The following KCNK13 variants were observed in gnomAD, a reference collection of about 807,000 sequenced individuals.
KCNK13 encodes the protein potassium channel subfamily K member 13.
In KCNK13, 12 loss-of-function variants were observed where a neutral mutation model predicts 23.4. That is an observed-to-expected ratio of 0.51 (90% CI 0.33 to 0.83). The LOEUF (loss-of-function observed/expected upper bound fraction) is 0.83, where lower values mean the gene tolerates loss of function less well. Ranked by LOEUF, KCNK13 falls within the 40% of genes least tolerant of loss-of-function variation. KCNK13 has a pLI of 0.02. For missense variants in KCNK13, 463 were observed against 556.3 expected (o/e 0.83, Z 1.69); for synonymous variants, 231 against 229.5 (o/e 1.01, Z -0.06).
intron 1 of KCNK13, among the ~76,000 whole-genome samples, chr14:90,161,867 C>CATTAAGAA (rs1335612913): frequency 6.6e-6 from 1 of 152,008 alleles, no homozygotes; most frequent in Non-Finnish European, 1.5e-5. Context: ...GAGGGAAGAG[C>CATTAAGAA]CCTCACAAGC....
At chr14:90,161,970 G>A (rs978635038) in intron 1 of KCNK13, among the ~76,000 whole-genome samples, 4 of 152,160 alleles carry the variant, frequency 2.6e-5, no homozygotes, top group African/African-American at 9.7e-5. Context: ...TGTGAGCCCA[G>A]GAGTTTGAGA....
At chr14:90,148,087 C>T (rs934764177) in intron 1 of KCNK13, among the ~76,000 whole-genome samples, 1 of 152,104 alleles carries the variant, frequency 6.6e-6, no homozygotes, top group Non-Finnish European at 1.5e-5. Flanking sequence ...GGCTTGAGCT[C>T]AGGAGGTGCA....
intron 1 of KCNK13, among the ~76,000 whole-genome samples, chr14:90,073,580 A>G (rs1889101309): frequency 6.6e-6 from 1 of 152,136 alleles, no homozygotes; most frequent in Non-Finnish European, 1.5e-5. Flanking sequence ...TGGTTTTCGA[A>G]CTGTGCTCCC....
At chr14:90,136,299 A>G (rs1034129264) in intron 1 of KCNK13, among the ~76,000 whole-genome samples, 2 of 152,176 alleles carry the variant, frequency 1.3e-5, no homozygotes, top group African/African-American at 4.8e-5. Context: ...CATGTCCATC[A>G]TGGTCCCTTC....
At chr14:90,169,524 G>A (rs1042022012) in intron 1 of KCNK13, among the ~76,000 whole-genome samples, 1 of 152,194 alleles carries the variant, frequency 6.6e-6, no homozygotes, top group Non-Finnish European at 1.5e-5. Flanking sequence ...CTCTCAACAT[G>A]AGAAACGAGG....
intron 1 of KCNK13, among the ~76,000 whole-genome samples, chr14:90,099,008 C>T (rs1366968313): frequency 2.0e-5 from 3 of 151,544 alleles, no homozygotes; most frequent in African/African-American, 4.9e-5. Flanking sequence ...ACCCAGGAGG[C>T]AGAGTTTGCA....
chr14:90,134,264 T>A (rs1357161463), intron 1 of KCNK13, among the ~76,000 whole-genome samples: 1 of 152,198 alleles, frequency 6.6e-6, no homozygotes, highest in Non-Finnish European at 1.5e-5. Context: ...TAGGTCAGAA[T>A]GTATAGAATT....
intron 1 of KCNK13, among the ~76,000 whole-genome samples, chr14:90,104,416 T>C (rs1889518148): frequency 6.6e-6 from 1 of 152,248 alleles, no homozygotes; most frequent in East Asian, 1.9e-4. Flanking sequence ...GAAACCTCAC[T>C]GAGAACACAT....
At chr14:90,159,218 A>T (rs1388830793) in intron 1 of KCNK13, among the ~76,000 whole-genome samples, 2 of 152,170 alleles carry the variant, frequency 1.3e-5, no homozygotes, top group Non-Finnish European at 2.9e-5. Flanking sequence ...AGTGCTGATG[A>T]CCTAAACACT....
At chr14:90,120,903 A>G (rs1332471217) in intron 1 of KCNK13, among the ~76,000 whole-genome samples, 1 of 149,972 alleles carries the variant, frequency 6.7e-6, no homozygotes, top group Admixed American at 6.7e-5. Flanking sequence ...TGAGCCCATG[A>G]AATCAAAAGC....
rs752735602 is a variant in KCNK13, at chr14:90,184,730, C to T, written c.954C>T (p.Ser318=). Residue 318 remains serine, a synonymous_variant, in exon 2 of 2, where the codon AGC becomes AGT. Transcript: ENST00000282146. This position sits in a 1 kb window ranked among gnomAD's most constrained non-coding sequence, Gnocchi z 5.6. The part of the protein sequence containing the change: ...RSRRNVVMPG[S]VRNRCNISIE... The stretch of plus-strand genomic sequence containing the variant: ...GCAGGAACGTGGTGATGCCAGGCAG[C>T]GTCCGGAACCGCTGCAACATCTCCA... 6.2e-6 allele frequency: 10 copies of T among 1,614,042 alleles called. No individual in the cohort carries two copies. The highest frequency in any genetic ancestry group is 4.4e-5 in the South Asian group (4 of 91,096).
intron 1 of KCNK13, among the ~76,000 whole-genome samples, chr14:90,071,177 T>C (rs1889070277): frequency 6.6e-6 from 1 of 152,206 alleles, no homozygotes; most frequent in Non-Finnish European, 1.5e-5. Flanking sequence ...CCTTTCTCTA[T>C]GAAGGAGAGA....
chr14:90,181,005 T>A (rs1055190473), intron 1 of KCNK13, among the ~76,000 whole-genome samples: 1 of 152,178 alleles, frequency 6.6e-6, no homozygotes, highest in Non-Finnish European at 1.5e-5. Context: ...TACAGGCACA[T>A]GCCACCACGC....
At chr14:90,150,352 C>T (rs1160835205) in intron 1 of KCNK13, among the ~76,000 whole-genome samples, 1 of 151,000 alleles carries the variant, frequency 6.6e-6, no homozygotes, top group African/African-American at 2.4e-5. Flanking sequence ...TACTGGCTCA[C>T]ACCTGTAATC....
At chr14:90,107,936 A>T in intron 1 of KCNK13, 1 of 743,780 alleles carries the variant, frequency 1.3e-6, no homozygotes, top group Non-Finnish European at 2.5e-6. Flanking sequence ...TGATCTAGTC[A>T]CTATGCAATA....
intron 1 of KCNK13, among the ~76,000 whole-genome samples, chr14:90,183,636 C>T (rs1271785444): frequency 6.6e-6 from 1 of 152,196 alleles, no homozygotes; most frequent in Non-Finnish European, 1.5e-5. Context: ...GTCTTTTCCA[C>T]AGTTCTATCC....
Position 90,147,674 on chromosome 14 carries a change from G to C in KCNK13, c.335-36437G>C, listed in dbSNP as rs1312141981. On this transcript the variant is annotated intron_variant, in intron 1 of 1. Coordinates refer to ENST00000282146, the MANE Select transcript of KCNK13 (RefSeq NM_022054.4). ...TTATATCTCTCATCTCTGTCCATGA[G>C]ATATTTATGTTTAATTATCCTAGTA... Among the ~76,000 whole-genome samples, 3 of 151,968 alleles carry C rather than the reference G, an allele frequency of 2.0e-5. No individual in the cohort carries two copies. In the East Asian group the frequency reaches 5.8e-4, roughly 29 times the overall value.
At chr14:90,085,025 C>T (rs1889255858) in intron 1 of KCNK13, among the ~76,000 whole-genome samples, 2 of 152,124 alleles carry the variant, frequency 1.3e-5, no homozygotes, top group African/African-American at 2.4e-5. Context: ...TCACTGCAAC[C>T]TCTGCCTCCC....
chr14:90,127,680 G>A (rs1889817988), intron 1 of KCNK13, among the ~76,000 whole-genome samples: 1 of 150,956 alleles, frequency 6.6e-6, no homozygotes, highest in African/African-American at 2.4e-5. Flanking sequence ...TGAGTGAGGG[G>A]CAGTAATGTG....
Sources: gnomAD v4.1 joint callset for allele counts (sites outside exome capture counted in the v4.1 genomes callset) on GRCh38, gnomAD v4.1.1 for gene constraint, Gnocchi (gnomAD v3.1) non-coding constraint, MANE v1.5 for transcripts, NCBI Gene and HGNC (gene_info 2026-07-23, HGNC 2026-07-21) for gene names.